TXNRD1: variants seen among roughly 807,000 people sequenced by gnomAD.
TXNRD1 encodes the protein thioredoxin reductase 1, cytoplasmic.
Under a neutral mutation model 80.3 loss-of-function variants are expected in TXNRD1, and 57 were observed. That is an observed-to-expected ratio of 0.71 (90% CI 0.57 to 0.89). TXNRD1 has a LOEUF of 0.89. Ranked by LOEUF, TXNRD1 falls within the 40% of genes least tolerant of loss-of-function variation. The pLI is 0.00. For synonymous variants in TXNRD1, 291 were observed against 285.2 expected, an observed-to-expected ratio of 1.02 and a Z score of -0.20; for missense variants, 730 against 803.0, an observed-to-expected ratio of 0.91 and a Z score of 1.10.
rs564497628 is a variant in TXNRD1 at position 104,237,879 on chromosome 12, C to T, written c.92-13648C>T. ...TACAAAAATTAGCTGGGTGTGGTGG[C>T]GCATACCTGTAGTCCCGGCTACTCG... On this transcript the variant is annotated intron_variant, in intron 1 of 16. Transcript: ENST00000525566. 1.5e-3 allele frequency among the ~76,000 whole-genome samples: 226 copies of T among 152,008 alleles called. 1 individual carries two copies. The highest frequency in any genetic ancestry group is 0.011 in the South Asian group (54 of 4,804).
intron 15 of TXNRD1, among the ~76,000 whole-genome samples, chr12:104,337,616 G>C (rs1184114841): frequency 6.6e-6 from 1 of 151,726 alleles, no homozygotes; most frequent in Non-Finnish European, 1.5e-5. Flanking sequence ...CAGCACTTTG[G>C]GAGGCCGAGG....
At chr12:104,241,937 A>ATTTTTTTTTTTTTTTTTTTTTTTTTTT (rs747774973) in intron 1 of TXNRD1, among the ~76,000 whole-genome samples, 1 of 96,082 alleles carries the variant, frequency 1.0e-5, no homozygotes, top group East Asian at 3.3e-4. Flanking sequence ...TATACTAATG[A>ATTTTTTTTTTTTTTTTTTTTTTTTTTT]TTTTTTTTTT....
chr12:104,241,335 G>A lies in TXNRD1; in HGVS notation c.92-10192G>A, dbSNP rs550823469. Among the ~76,000 whole-genome samples, 86 of 150,358 alleles carry A rather than the reference G, an allele frequency of 5.7e-4. No individual in the cohort carries two copies. The South Asian group carries it at 9.7e-3, about 17-fold the overall frequency. On this transcript the variant is annotated intron_variant, in intron 1 of 16. Transcript: ENST00000525566. ...ATTACAGACGTGAGCCACTGTGCCC[G>A]GCTGCCAATGGTATTTCTCTCACAG...
intron 4 of TXNRD1, among the ~76,000 whole-genome samples, chr12:104,293,667 G>A (rs967113797): frequency 2.0e-5 from 3 of 152,064 alleles, no homozygotes; most frequent in African/African-American, 7.3e-5. Flanking sequence ...TCCAGTGTAG[G>A]GACCAGCCCC....
At chr12:104,286,765 CTT>C (rs1472293428) in intron 3 of TXNRD1, 1 of 1,024,566 alleles carries the variant, frequency 9.8e-7, no homozygotes, top group African/African-American at 1.7e-5. Context: ...TAAAAACACA[CTT>C]ATTCCAAATT....
intron 3 of TXNRD1, among the ~76,000 whole-genome samples, chr12:104,262,978 C>T (rs1373658829): frequency 2.0e-5 from 3 of 152,116 alleles, no homozygotes; most frequent in Non-Finnish European, 4.4e-5. Flanking sequence ...ACATTTTCTT[C>T]TTCCTTCTTT....
In TXNRD1 at chr12:104,294,638, T is replaced by C. The variant is rs1435398963; in HGVS notation, c.414+5598T>C. 2.0e-5 allele frequency among the ~76,000 whole-genome samples: 3 copies of C among 152,350 alleles called. No homozygotes were observed. The East Asian group carries it at 5.8e-4, about 29-fold the overall frequency. ...ATACTGGAACAGCTCGTGTCCTCTG[T>C]CTCTTGCCTCGGTGCCTGGGTGGCT... On this transcript the variant is annotated intron_variant, in intron 4 of 16. Coordinates refer to ENST00000525566, the MANE Select transcript of TXNRD1 (RefSeq NM_001093771.3).
At chr12:104,225,937 C>T (rs1325431254) in intron 1 of TXNRD1, among the ~76,000 whole-genome samples, 8 of 152,232 alleles carry the variant, frequency 5.3e-5, no homozygotes, top group African/African-American at 7.2e-5. Context: ...CAGTGTCTCA[C>T]GCCTGTAATC....
At position 104,220,745 on chromosome 12, in the gene TXNRD1, G is replaced by C. The variant is rs1209028898; in HGVS notation, c.91+4852G>C. ...CGTCTCCAAAAAAAAAAAAACGGTG[G>C]GGGGGAGGCGGTATTTTAGATTTAC... is the stretch of plus-strand genomic sequence containing the variant. On this transcript the variant is annotated intron_variant, in intron 1 of 16. Coordinates refer to ENST00000525566, the MANE Select transcript of TXNRD1 (RefSeq NM_001093771.3). Among the ~76,000 whole-genome samples the C allele has an allele frequency of 6.0e-5, 9 of 149,568 alleles. 1 individual carries two copies. Among genetic ancestry groups the C allele is most frequent in the Non-Finnish European group, 1.0e-4 (7 of 67,322 alleles).
At chr12:104,259,699 G>T (rs953133285) in intron 3 of TXNRD1, among the ~76,000 whole-genome samples, 3 of 151,596 alleles carry the variant, frequency 2.0e-5, no homozygotes, top group Admixed American at 6.6e-5. Context: ...CCATGTTGAG[G>T]CTGGTCTCGA....
intron 1 of TXNRD1, among the ~76,000 whole-genome samples, chr12:104,228,161 G>C (rs2032519411): frequency 2.0e-5 from 3 of 151,992 alleles, no homozygotes. Flanking sequence ...AATTAGCTGG[G>C]TGTGGTGTTG....
chr12:104,331,536 T>C lies in TXNRD1; in HGVS notation c.1545T>C (p.Cys515=). ...QRLYAGSTVK[C]DYENVPTTVF... ...TCCTTACCTCCATTTTTAAACAGTG[T>C]GACTATGAAAATGTTCCAACCACTG... Residue 515 remains cysteine (C), a splice_region_variant and synonymous_variant, in exon 14 of 17, where the codon TGT becomes TGC. Transcript: ENST00000525566. 1 of 1,602,980 alleles carries C rather than the reference T, an allele frequency of 6.2e-7. No individual in the cohort carries two copies. Among genetic ancestry groups the C allele is most frequent in the Non-Finnish European group, 8.5e-7 (1 of 1,172,478 alleles).
At chr12:104,331,042 A>G (rs1478631659) in intron 13 of TXNRD1, among the ~76,000 whole-genome samples, 2 of 151,872 alleles carry the variant, frequency 1.3e-5, no homozygotes, top group Admixed American at 6.6e-5. Flanking sequence ...CTATATATCT[A>G]TATGTTAAAT....
At chr12:104,217,985 T>TAC (rs772244779) in intron 1 of TXNRD1, among the ~76,000 whole-genome samples, 66 of 151,070 alleles carry the variant, frequency 4.4e-4, no homozygotes, top group African/African-American at 1.1e-3. Flanking sequence ...CACACATATA[T>TAC]ACACACACAC....
intron 3 of TXNRD1, among the ~76,000 whole-genome samples, chr12:104,268,782 GAT>G (rs975602639): frequency 6.6e-6 from 1 of 151,886 alleles, no homozygotes; most frequent in Non-Finnish European, 1.5e-5. Context: ...CTCTCAAAGT[GAT>G]GGGATTACAG....
rs1019759375 is a variant in TXNRD1, at chr12:104,226,074, C to T, written c.91+10181C>T. Among the ~76,000 whole-genome samples the T allele has an allele frequency of 6.6e-5, 10 of 152,086 alleles. No homozygotes were observed. The East Asian group carries it at 1.9e-3, about 29-fold the overall frequency. On this transcript the variant is annotated intron_variant, in intron 1 of 16. Transcript: ENST00000525566. ...AAATTAGCTGGGCGTGTGGTGGGCA[C>T]CTGTAATCCCAGCTACTTGGGAGGC...
intron 1 of TXNRD1, among the ~76,000 whole-genome samples, chr12:104,242,702 C>T (rs2032900964): frequency 6.6e-6 from 1 of 152,116 alleles, no homozygotes; most frequent in African/African-American, 2.4e-5. Flanking sequence ...TGTGGTAGAG[C>T]CCAACCCTGA....
chr12:104,304,826 A>G (rs758201934), intron 4 of TXNRD1: 1 of 1,614,038 alleles, frequency 6.2e-7, no homozygotes, highest in South Asian at 1.1e-5. Flanking sequence ...AAATGATTCC[A>G]GTTGCCATGG....
intron 4 of TXNRD1, among the ~76,000 whole-genome samples, chr12:104,294,242 C>CT (rs1486003212): frequency 5.9e-5 from 7 of 119,044 alleles, no homozygotes; most frequent in Admixed American, 5.8e-4. Flanking sequence ...GGCCCCCCCC[C>CT]CCGCCGCCGG....
Sources: allele counts gnomAD v4.1 joint callset (sites outside exome capture counted in the v4.1 genomes callset), GRCh38; gene constraint gnomAD v4.1.1; transcripts MANE v1.5; gene names NCBI Gene and HGNC (gene_info 2026-07-23, HGNC 2026-07-21).